Variants in ANKRD35 observed in about 807,000 individuals in gnomAD.
ANKRD35 encodes ankyrin repeat domain 35, also known as ankyrin repeat domain-containing protein 35.
A neutral mutation model predicts 109.9 loss-of-function variants in ANKRD35; 102 were observed. The ratio of observed to expected loss-of-function variants is 0.93; its 90% confidence interval spans 0.79 to 1.09. The LOEUF (loss-of-function observed/expected upper bound fraction) is 1.09. ANKRD35 is among the 50% of genes least tolerant of loss of function. The pLI, the probability that ANKRD35 is intolerant of heterozygous loss-of-function variation, is 0.00. For missense variants in ANKRD35, 1,240 were observed against 1,230.1 expected (o/e 1.01, Z -0.12); for synonymous variants, 515 against 512.4 (o/e 1.01, Z -0.07).
chr1:145,873,941 T>C lies in ANKRD35; in HGVS notation c.828A>G (p.Ser276=), dbSNP rs1553739562. The C allele has an allele frequency of 1.5e-5, 24 of 1,614,032 alleles. No homozygotes were observed. Among genetic ancestry groups the C allele is most frequent in the Non-Finnish European group, 1.8e-5 (21 of 1,179,902 alleles). ...EPQAGSPPKS[S]WRAEPEEEQE... ...GCTCCTCTTCAGGCTCTGCTCTCCATGAGCTCTTAGGAGGAGAACCTGCCT... is the reference window on the plus strand; with the variant it reads ...GCTCCTCTTCAGGCTCTGCTCTCCACGAGCTCTTAGGAGGAGAACCTGCCT... Residue 276 remains serine, a synonymous_variant, in exon 10 of 14, where the codon TCA becomes TCG. Transcript: ENST00000355594.
intron 3 of ANKRD35, 94 bp from the exon 4 acceptor site, chr1:145,878,126 G>A: frequency 1.7e-6 from 2 of 1,207,936 alleles, no homozygotes; most frequent in Admixed American, 1.7e-5. Flanking sequence ...AGATAATCAG[G>A]AGATTAGGGA....
rs782219195 is a variant in ANKRD35, at chr1:145,872,525, A to G, written c.2244T>C (p.Ala748=). 6.2e-7 allele frequency: 1 copy of G among 1,605,288 alleles called. No homozygotes were observed. Among genetic ancestry groups the G allele is most frequent in the Admixed American group, 1.7e-5 (1 of 58,164 alleles). ...ACTGCTGGTTTTCTTCTTGCAGCCG[A>G]GCCAGCACCTGCTGGGCCTCCCGGT... ...DRHREAQQVL[A]RLQEENQQLR... is the part of the protein sequence containing the mutation. The change falls in exon 10 of 14, where the codon GCT becomes GCC. Residue 748 remains alanine, a synonymous_variant. Transcript: ENST00000355594.
At chr1:145,883,575 T>A (rs1429713775) in intron 1 of ANKRD35, among the ~76,000 whole-genome samples, 1 of 152,232 alleles carries the variant, frequency 6.6e-6, no homozygotes, top group Non-Finnish European at 1.5e-5. Flanking sequence ...TTTAAAATGA[T>A]CACTGCTTTT....
intron 10 of ANKRD35, among the ~76,000 whole-genome samples, chr1:145,870,635 C>T (rs912987627): frequency 2.6e-5 from 4 of 152,130 alleles, no homozygotes; most frequent in South Asian, 2.1e-4. Context: ...AACCTCAACC[C>T]GCACTGATTC....
chr1:145,876,557 T>C lies in ANKRD35; in HGVS notation c.453+12A>G, dbSNP rs139514461. 2.0e-3 allele frequency: 3,278 copies of C among 1,614,124 alleles called. 2 individuals are homozygous for C. The highest frequency in any genetic ancestry group is 3.2e-3 in the Admixed American group (192 of 60,010). Reference sequence around the variant, plus strand: ...GTGTAGGACACTGCCCACTTGCCCATCTGACACTCACATTATCCAACACGT... The same window carrying C: ...GTGTAGGACACTGCCCACTTGCCCACCTGACACTCACATTATCCAACACGT... On this transcript the variant is annotated intron_variant, in intron 6 of 13. Coordinates refer to ENST00000355594, the MANE Select transcript of ANKRD35 (RefSeq NM_144698.5).
At chr1:145,884,919 G>C (rs1553741640) in intron 1 of ANKRD35, among the ~76,000 whole-genome samples, 1 of 152,160 alleles carries the variant, frequency 6.6e-6, no homozygotes, top group African/African-American at 2.4e-5. Context: ...CAGTCCTCTG[G>C]GGAGCAGTCA....
In ANKRD35 at chr1:145,873,499, C is replaced by T; in HGVS notation, c.1270G>A (p.Glu424Lys). 2 of 1,613,894 alleles carry T rather than the reference C, an allele frequency of 1.2e-6. No individual in the cohort carries two copies. The highest frequency in any genetic ancestry group is 1.7e-6 in the Non-Finnish European group (2 of 1,179,974). The change falls in exon 10 of 14, where the codon GAA becomes AAA. Residue 424 changes from glutamate to lysine, a missense_variant. Coordinates refer to ENST00000355594, the MANE Select transcript of ANKRD35 (RefSeq NM_144698.5). ...GCTGGGCTCTGGGGTGGCCCCTGTTCTTCTGGTTGGGACCTTCCATGGACT... is the reference window on the plus strand; with the variant it reads ...GCTGGGCTCTGGGGTGGCCCCTGTTTTTCTGGTTGGGACCTTCCATGGACT... ...YEVHGRSQPE[E>K]QGPPQSPASE...
chr1:145,881,595 A>G (rs1181141380), intron 1 of ANKRD35, among the ~76,000 whole-genome samples: 1 of 152,244 alleles, frequency 6.6e-6, no homozygotes, highest in African/African-American at 2.4e-5. Flanking sequence ...GCAGAGAGCT[A>G]GAACTATGCC....
intron 1 of ANKRD35, among the ~76,000 whole-genome samples, chr1:145,881,422 G>A (rs1374493355): frequency 2.0e-5 from 3 of 152,184 alleles, no homozygotes; most frequent in Non-Finnish European, 2.9e-5. Flanking sequence ...TGCCTCCAGG[G>A]CAAAGCCACC....
In ANKRD35 at chr1:145,876,247, C is replaced by A. The variant is rs1553740069; in HGVS notation, c.454-1G>T. On this transcript the variant is annotated splice_acceptor_variant, in intron 6 of 13. Coordinates refer to ENST00000355594, the MANE Select transcript of ANKRD35 (RefSeq NM_144698.5). LOFTEE classifies it high-confidence loss of function. ...CGATCATCAGGGGTGTACGTCCATC[C>A]TGCACAGATTGTAGGAAGAGGTTCA... 1.2e-6 allele frequency: 2 copies of A among 1,610,300 alleles called. No individual in the cohort carries two copies. Among genetic ancestry groups the A allele is most frequent in the Non-Finnish European group, 1.7e-6 (2 of 1,177,240 alleles).
In ANKRD35 at chr1:145,874,884, T is replaced by G; in HGVS notation, c.683A>C (p.His228Pro). 6.2e-7 allele frequency: 1 copy of G among 1,613,578 alleles called. No individual in the cohort carries two copies. Among genetic ancestry groups the G allele is most frequent in the Non-Finnish European group, 8.5e-7 (1 of 1,179,748 alleles). ...CCTCCACAGTGCCTTGTCTTGTGTG[T>G]GCAGAGCATAGTGCAGAGCATCATG... ...TGHDALHYAL[H>P]TQDKALWRHL... Residue 228 changes from histidine to proline, a missense_variant, in exon 8 of 14, where the codon CAC becomes CCC. His to Pro is a moderately conservative substitution (Grantham distance 77). Coordinates refer to ENST00000355594, the MANE Select transcript of ANKRD35 (RefSeq NM_144698.5).
At chr1:145,885,015 G>A (rs1198732088) in intron 1 of ANKRD35, among the ~76,000 whole-genome samples, 1 of 152,178 alleles carries the variant, frequency 6.6e-6, no homozygotes, top group Non-Finnish European at 1.5e-5. Context: ...GGAAAAGTGG[G>A]ACTGGCGACC....
chr1:145,874,921 C>T lies in ANKRD35; in HGVS notation c.646G>A (p.Asp216Asn), dbSNP rs267597996. Reference sequence around the variant, plus strand: ...TGCAGAGCATCATGCCCTGTGCTGTCCACAGCCCCCGCGTCAGCTCCGTGG... The same window carrying T: ...TGCAGAGCATCATGCCCTGTGCTGTTCACAGCCCCCGCGTCAGCTCCGTGG... ...LSHGADAGAV[D>N]STGHDALHYA... The change falls in exon 8 of 14, where the codon GAC (aspartate) becomes AAC (asparagine). Residue 216 changes from aspartate to asparagine, a missense_variant. Physicochemically the swap from Asp to Asn is conservative, Grantham distance 23 (BLOSUM62 1). Transcript: ENST00000355594. The T allele has an allele frequency of 1.2e-6, 2 of 1,613,658 alleles. No homozygotes were observed. The highest frequency in any genetic ancestry group is 3.3e-5 in the Admixed American group (2 of 59,960).
intron 5 of ANKRD35, 57 bp from the exon 6 acceptor site, chr1:145,876,696 G>T: frequency 6.2e-7 from 1 of 1,611,350 alleles, no homozygotes; most frequent in South Asian, 1.1e-5. Context: ...CTCAGACTAT[G>T]ACCCAACATC....
At position 145,874,431 on chromosome 1, in the gene ANKRD35, G is replaced by T. The variant is rs1653983026; in HGVS notation, c.746-239C>A. 1.3e-5 allele frequency among the ~76,000 whole-genome samples: 2 copies of T among 152,108 alleles called. 1 individual carries two copies. Among genetic ancestry groups the T allele is most frequent in the Admixed American group, 1.3e-4 (2 of 15,268 alleles). On this transcript the variant is annotated intron_variant, in intron 8 of 13. Coordinates refer to ENST00000355594, the MANE Select transcript of ANKRD35 (RefSeq NM_144698.5). Reference sequence around the variant, plus strand: ...ATTTTGTTCGCTCATTTATTTATTGGTCACTATGTCCAGCACTTTAATAAG... The same window carrying T: ...ATTTTGTTCGCTCATTTATTTATTGTTCACTATGTCCAGCACTTTAATAAG...
At chr1:145,870,376 G>T (rs904785934) in intron 10 of ANKRD35, among the ~76,000 whole-genome samples, 1 of 152,090 alleles carries the variant, frequency 6.6e-6, no homozygotes, top group Non-Finnish European at 1.5e-5. Context: ...ACAGTCATGA[G>T]CCACCGCACC....
chr1:145,885,620 T>C (rs1654447344), intron 1 of ANKRD35, 100 bp downstream of exon 1: 3 of 1,377,362 alleles, frequency 2.2e-6, no homozygotes, highest in Non-Finnish European at 3.1e-6. Flanking sequence ...GAAAGACTGA[T>C]AAAAAGAAAA....
chr1:145,868,040 T>G lies in ANKRD35; in HGVS notation c.2894A>C (p.His965Pro), dbSNP rs782130539. 2.5e-6 allele frequency: 4 copies of G among 1,614,016 alleles called. No homozygotes were observed. The Admixed American group carries it at 6.7e-5, about 27-fold the overall frequency. The change falls in exon 12 of 14, where the codon CAT becomes CCT. Residue 965 changes from histidine to proline, a missense_variant. Physicochemically the swap from His to Pro is moderately conservative, Grantham distance 77 (BLOSUM62 -2). Transcript: ENST00000355594. The stretch of plus-strand genomic sequence containing the variant: ...CCTGTAGGTGGAGATGATCTCTTCA[T>G]GGTTCTTCTGGGAATCCTGGGAATG... Reference protein sequence around the residue: ...ALQLQDSQKNHEEIISTYRNH... With the variant: ...ALQLQDSQKNPEEIISTYRNH...
Position 145,874,967 on chromosome 1 carries a change from C to G in ANKRD35, c.600G>C (p.Glu200Asp), listed in dbSNP as rs587707912. The G allele has an allele frequency of 3.1e-6, 5 of 1,612,130 alleles. No homozygotes were observed. In the South Asian group the frequency reaches 5.5e-5, roughly 18 times the overall value. ...CGTGGCTCAGGAGCAGTTCAGCCACCTCGGCACTGCCTTTCTCACAGGCCA... is the reference window on the plus strand; with the variant it reads ...CGTGGCTCAGGAGCAGTTCAGCCACGTCGGCACTGCCTTTCTCACAGGCCA... ...LILACEKGSA[E>D]VAELLLSHGA... Residue 200 changes from glutamate (E) to aspartate (D), a missense_variant, in exon 8 of 14, where the codon GAG (glutamate) becomes GAC (aspartate). By Grantham distance (45) the Glu-to-Asp change is conservative. Transcript: ENST00000355594.
Sources: gnomAD v4.1 joint callset for allele counts (sites outside exome capture counted in the v4.1 genomes callset) on GRCh38, gnomAD v4.1.1 for gene constraint, MANE v1.5 for transcripts, NCBI Gene and HGNC (gene_info 2026-07-23, HGNC 2026-07-21) for gene names.